The following CDH4 variants were observed in gnomAD, a reference collection of about 807,000 sequenced individuals.
The protein encoded by CDH4 is cadherin 4.
Under a neutral mutation model 86.0 loss-of-function variants are expected in CDH4, and 33 were observed. The observed-to-expected ratio is 0.38, with a 90% CI of 0.29 to 0.51. The LOEUF (loss-of-function observed/expected upper bound fraction) is 0.51, where lower values mean the gene tolerates loss of function less well. CDH4 is among the 20% of genes least tolerant of loss of function. The probability of loss-of-function intolerance (pLI) is 0.86; values close to 1 mark genes in which losing one functional copy is unlikely to be tolerated. For synonymous variants in CDH4, 555 were observed against 549.4 expected (o/e 1.01, Z -0.14); for missense variants, 1,114 against 1,307.4 (o/e 0.85, Z 2.28).
At chr20:61,830,367 G>A (rs529964567) in intron 4 of CDH4, among the ~76,000 whole-genome samples, 21 of 152,198 alleles carry the variant, frequency 1.4e-4, no homozygotes, top group African/African-American at 4.8e-4. Context: ...GCTTCCCCGG[G>A]ACCCTCCCTG....
At chr20:61,273,290 GA>G in intron 2 of CDH4, among the ~76,000 whole-genome samples, 1 of 136,068 alleles carries the variant, frequency 7.3e-6, no homozygotes, top group Non-Finnish European at 1.6e-5. Context: ...GAGTATTGGG[GA>G]AGTACCATGT....
chr20:61,417,538 G>A lies in CDH4; in HGVS notation c.169+162601G>A, dbSNP rs2085153576. Among the ~76,000 whole-genome samples, 1 of 152,120 alleles carries A rather than the reference G, an allele frequency of 6.6e-6. No homozygotes were observed. The highest frequency in any genetic ancestry group is 2.1e-4 in the South Asian group (1 of 4,832). On this transcript the variant is annotated intron_variant, in intron 2 of 15. Transcript: ENST00000614565. The surrounding 1 kb of genome is among the most constrained non-coding windows in gnomAD (Gnocchi z 4.0). ...GGCCATCGGAACATCTCCCCTTCTG[G>A]GTTGATTACTGTCAACAACTGTCAT...
intron 1 of CDH4, among the ~76,000 whole-genome samples, chr20:61,254,112 C>G (rs887227805): frequency 1.3e-5 from 2 of 152,238 alleles, no homozygotes; most frequent in South Asian, 4.1e-4. Flanking sequence ...GGCGAGCGAG[C>G]TCCGGAGGAC....
intron 2 of CDH4, among the ~76,000 whole-genome samples, chr20:61,461,563 G>A (rs150141369): frequency 6.6e-6 from 1 of 152,272 alleles, no homozygotes; most frequent in East Asian, 1.9e-4. Flanking sequence ...CTGAGTCCAG[G>A]CACGGATGCC....
At chr20:61,628,946 C>A (rs989291643) in intron 2 of CDH4, among the ~76,000 whole-genome samples, 1 of 152,234 alleles carries the variant, frequency 6.6e-6, no homozygotes, top group Non-Finnish European at 1.5e-5. Flanking sequence ...CCTGGCCGTG[C>A]GCTGCATACA....
At chr20:61,672,873 C>A (rs1209000447) in intron 2 of CDH4, among the ~76,000 whole-genome samples, 1 of 152,018 alleles carries the variant, frequency 6.6e-6, no homozygotes, top group Admixed American at 6.6e-5. Context: ...AGGCGCAGGC[C>A]TGAGGGGAGG....
At chr20:61,916,754 G>A (rs2054907097) in intron 9 of CDH4, among the ~76,000 whole-genome samples, 1 of 152,240 alleles carries the variant, frequency 6.6e-6, no homozygotes, top group Non-Finnish European at 1.5e-5. Flanking sequence ...TCTGCAGAGG[G>A]GATGGTGAGG....
At chr20:61,890,596 ATGAT>A (rs1317446546) in intron 7 of CDH4, among the ~76,000 whole-genome samples, 1 of 151,354 alleles carries the variant, frequency 6.6e-6, no homozygotes, top group African/African-American at 2.4e-5. Context: ...GGATGGGTAA[ATGAT>A]GGATGGATGG....
intron 2 of CDH4, among the ~76,000 whole-genome samples, chr20:61,654,419 G>C (rs2087164963): frequency 6.6e-6 from 1 of 152,098 alleles, no homozygotes; most frequent in South Asian, 2.1e-4. Context: ...ACCGTGGAAA[G>C]AGGGAGAGGG....
chr20:61,686,284 A>C (rs2087572052), intron 2 of CDH4, among the ~76,000 whole-genome samples: 1 of 152,232 alleles, frequency 6.6e-6, no homozygotes, highest in South Asian at 2.1e-4. Context: ...CGTGGCTGGG[A>C]GGCCTGCCTG....
chr20:61,497,358 A>G (rs1316401367), intron 2 of CDH4, among the ~76,000 whole-genome samples: 10 of 152,118 alleles, frequency 6.6e-5, no homozygotes, highest in Non-Finnish European at 1.2e-4. Context: ...TAATTTAGCT[A>G]TAGGATTTTT....
chr20:61,715,768 A>G (rs1230518685), intron 2 of CDH4, among the ~76,000 whole-genome samples: 1 of 152,192 alleles, frequency 6.6e-6, no homozygotes, highest in Non-Finnish European at 1.5e-5. Context: ...GGAGGTCAGC[A>G]GCCTCTTGGA....
intron 4 of CDH4, among the ~76,000 whole-genome samples, chr20:61,774,207 T>G (rs1484330982): frequency 6.6e-6 from 1 of 152,216 alleles, no homozygotes; most frequent in Non-Finnish European, 1.5e-5. Flanking sequence ...TGTCAGGGGC[T>G]CAGCTTTCCT....
intron 7 of CDH4, among the ~76,000 whole-genome samples, chr20:61,877,518 C>T (rs1309206576): frequency 2.0e-5 from 3 of 152,164 alleles, no homozygotes; most frequent in East Asian, 1.9e-4. Flanking sequence ...CGGGCGCTGG[C>T]GTTCTCCGCT....
At chr20:61,798,283 C>T (rs908995612) in intron 4 of CDH4, among the ~76,000 whole-genome samples, 1 of 151,374 alleles carries the variant, frequency 6.6e-6, no homozygotes, top group Admixed American at 6.6e-5. Flanking sequence ...GGTGTGGTCC[C>T]GCCTCGCACG....
chr20:61,924,895 C>T (rs6089553), intron 11 of CDH4, among the ~76,000 whole-genome samples: 59,999 of 152,060 alleles, frequency 0.39, 12,234 homozygotes, highest in African/African-American at 0.46. Context: ...ATCAGGTCCA[C>T]AGTTTTCAAA....
At chr20:61,321,189 T>C (rs138786699) in intron 2 of CDH4, among the ~76,000 whole-genome samples, 20 of 152,298 alleles carry the variant, frequency 1.3e-4, no homozygotes, top group Non-Finnish European at 2.2e-4. Context: ...TAGTCGTTGA[T>C]TGAGGTCAGA....
intron 9 of CDH4, among the ~76,000 whole-genome samples, chr20:61,919,765 A>G (rs2054945568): frequency 6.6e-6 from 1 of 152,110 alleles, no homozygotes; most frequent in Admixed American, 6.5e-5. Context: ...GTTGCGTGGA[A>G]GCGTGGTGTC....
chr20:61,678,508 A>G (rs2087471868), intron 2 of CDH4, among the ~76,000 whole-genome samples: 1 of 152,226 alleles, frequency 6.6e-6, no homozygotes, highest in Admixed American at 6.5e-5. Flanking sequence ...CAATGACACC[A>G]GGTAGCCAGG....
Sources: gnomAD v4.1 joint callset for allele counts (sites outside exome capture counted in the v4.1 genomes callset) on GRCh38, gnomAD v4.1.1 for gene constraint, Gnocchi (gnomAD v3.1) non-coding constraint, MANE v1.5 for transcripts, NCBI Gene and HGNC (gene_info 2026-07-23, HGNC 2026-07-21) for gene names.